The following UNC13C variants were observed in gnomAD, a reference collection of about 807,000 sequenced individuals.
UNC13C encodes protein unc-13 homolog C.
In UNC13C, 174 loss-of-function variants were observed where a neutral mutation model predicts 245.4. The observed-to-expected ratio is 0.71, with a 90% CI of 0.63 to 0.80. The LOEUF is 0.80. Among genes scored for constraint, UNC13C ranks in the 30% least tolerant of loss-of-function variants. The probability of loss-of-function intolerance (pLI) is 0.00; values close to 1 mark genes in which losing one functional copy is unlikely to be tolerated. For synonymous variants in UNC13C, 992 were observed against 895.1 expected (o/e 1.11, Z -1.93); for missense variants, 2,829 against 2,602.9 (o/e 1.09, Z -1.89).
chr15:54,364,125 G>A (rs2140871137), intron 17 of UNC13C, among the ~76,000 whole-genome samples: 1 of 152,178 alleles, frequency 6.6e-6, no homozygotes, highest in South Asian at 2.1e-4. Context: ...TGAGCTTTTT[G>A]CTTAACAGAT....
intron 19 of UNC13C, among the ~76,000 whole-genome samples, chr15:54,431,974 A>T (rs903063229): frequency 6.6e-6 from 1 of 151,694 alleles, no homozygotes; most frequent in Non-Finnish European, 1.5e-5. Flanking sequence ...ATATCAAGTT[A>T]GCACATGTAC....
chr15:54,255,675 GT>G (rs1318021874), intron 8 of UNC13C, among the ~76,000 whole-genome samples: 4 of 97,412 alleles, frequency 4.1e-5, no homozygotes, highest in African/African-American at 2.8e-4. Context: ...GCAGGCCAGG[GT>G]TTCTTGGGAA....
chr15:54,542,788 T>G (rs1419096648), intron 26 of UNC13C, among the ~76,000 whole-genome samples: 5 of 152,174 alleles, frequency 3.3e-5, no homozygotes, highest in African/African-American at 4.8e-5. Flanking sequence ...TTTGTTGGTT[T>G]AAAGTCTGTT....
chr15:54,356,651 A>G (rs2039101830), intron 17 of UNC13C, among the ~76,000 whole-genome samples: 2 of 152,164 alleles, frequency 1.3e-5, no homozygotes, highest in Non-Finnish European at 2.9e-5. Context: ...CATTCATAAG[A>G]GCAGAGTTTT....
chr15:54,149,034 C>T (rs1031650283), intron 4 of UNC13C, among the ~76,000 whole-genome samples: 2 of 152,112 alleles, frequency 1.3e-5, no homozygotes, highest in Non-Finnish European at 2.9e-5. Context: ...GCAGTTTCCC[C>T]CAGGCTGTTC....
At chr15:53,973,075 T>C in the UNC13C span, among the ~76,000 whole-genome samples, 1 of 152,084 alleles carries the variant, frequency 6.6e-6, no homozygotes, top group Non-Finnish European at 1.5e-5. Context: ...AATAGACATA[T>C]TGAACACATA....
intron 16 of UNC13C, among the ~76,000 whole-genome samples, chr15:54,337,498 G>A (rs1359236266): frequency 6.6e-6 from 1 of 152,052 alleles, no homozygotes; most frequent in East Asian, 1.9e-4. Context: ...CAGTTGCTCA[G>A]GCTAAAATAT....
At chr15:54,629,861 C>CTAAT (rs1901414285), downstream of UNC13C, 1 of 152,074 alleles carries the variant, frequency 6.6e-6, no homozygotes, top group African/African-American at 2.4e-5. Context: ...ATATCAAAGC[C>CTAAT]TAATAGTGGC....
intron 2 of UNC13C, among the ~76,000 whole-genome samples, chr15:54,077,248 T>G (rs1242780076): frequency 6.6e-6 from 1 of 152,148 alleles, no homozygotes; most frequent in Non-Finnish European, 1.5e-5. Flanking sequence ...TAATACAGAT[T>G]ATTAAACATG....
chr15:54,007,280 T>C (rs1286730498), intron 1 of UNC13C, among the ~76,000 whole-genome samples: 1 of 152,122 alleles, frequency 6.6e-6, no homozygotes, highest in East Asian at 1.9e-4. Context: ...GGTTATTCTA[T>C]TAGTCTAGGA....
intron 10 of UNC13C, among the ~76,000 whole-genome samples, chr15:54,266,366 C>G (rs368462800): frequency 3.9e-5 from 6 of 151,952 alleles, no homozygotes; most frequent in East Asian, 3.9e-4. Flanking sequence ...GAGGATTTCT[C>G]CCTTCAGAGT....
chr15:53,972,699 A>AT, the UNC13C span: 1 of 152,084 alleles, frequency 6.6e-6, no homozygotes, highest in Admixed American at 6.6e-5. Context: ...TGTCACGGTT[A>AT]TTTTCACTGC....
chr15:54,389,270 C>G (rs2039903781), intron 17 of UNC13C, among the ~76,000 whole-genome samples: 1 of 152,196 alleles, frequency 6.6e-6, no homozygotes, highest in Admixed American at 6.5e-5. Flanking sequence ...TTAGTATTAC[C>G]TCTTAGAGAA....
intron 2 of UNC13C, among the ~76,000 whole-genome samples, chr15:54,072,369 C>T (rs2141099863): frequency 6.6e-6 from 1 of 152,160 alleles, no homozygotes; most frequent in South Asian, 2.1e-4. Context: ...GGTAATAAAC[C>T]CAAATCCAGG....
At chr15:54,433,530 A>G (rs1309024970) in intron 19 of UNC13C, among the ~76,000 whole-genome samples, 2 of 152,110 alleles carry the variant, frequency 1.3e-5, no homozygotes, top group Non-Finnish European at 2.9e-5. Context: ...ATAAAATTCA[A>G]TACCCCTTCA....
chr15:54,552,512 TTA>T (rs1433522163), intron 28 of UNC13C, among the ~76,000 whole-genome samples: 14 of 12,218 alleles, frequency 1.1e-3, no homozygotes, highest in Admixed American at 5.1e-3. Flanking sequence ...TAATTATATA[TTA>T]TATATTATAT....
chr15:54,051,291 T>C (rs967802720), intron 2 of UNC13C, among the ~76,000 whole-genome samples: 5 of 152,186 alleles, frequency 3.3e-5, no homozygotes, highest in African/African-American at 1.2e-4. Context: ...TTCTGACATA[T>C]GGTATAAGGA....
the UNC13C span, among the ~76,000 whole-genome samples, chr15:53,955,348 A>G: frequency 6.6e-6 from 1 of 152,084 alleles, no homozygotes; most frequent in African/African-American, 2.4e-5. Flanking sequence ...ACTTAGAAAT[A>G]GTTTTTGATA....
the UNC13C span, among the ~76,000 whole-genome samples, chr15:53,904,230 T>C: frequency 1.3e-5 from 2 of 152,216 alleles, no homozygotes; most frequent in Non-Finnish European, 2.9e-5. Context: ...AATAGTACCA[T>C]ATTTATCAAA....
Sources: allele counts gnomAD v4.1 joint callset (sites outside exome capture counted in the v4.1 genomes callset), GRCh38; gene constraint gnomAD v4.1.1; transcripts MANE v1.5; gene names NCBI Gene and HGNC (gene_info 2026-07-23, HGNC 2026-07-21).